Variants in XKR4 observed in about 807,000 individuals in gnomAD.
The protein encoded by XKR4 is XK-related protein 4.
In XKR4, 12 loss-of-function variants were observed where a neutral mutation model predicts 53.9. That is an observed-to-expected ratio of 0.22 (90% CI 0.14 to 0.36). XKR4 has a LOEUF of 0.36. Among genes scored for constraint, XKR4 ranks in the 10% least tolerant of loss-of-function variants. The pLI, the probability that XKR4 is intolerant of heterozygous loss-of-function variation, is 1.00. For synonymous variants in XKR4, 354 were observed against 362.4 expected (o/e 0.98, Z 0.26); for missense variants, 799 against 859.5 (o/e 0.93, Z 0.88).
intron 1 of XKR4, among the ~76,000 whole-genome samples, chr8:55,191,245 G>A (rs971405777): frequency 6.6e-6 from 1 of 152,088 alleles, no homozygotes; most frequent in Non-Finnish European, 1.5e-5. Flanking sequence ...TTTGCCACCT[G>A]CTTGGACTGC....
chr8:55,443,530 TAAAAAAAA>T lies in XKR4; in HGVS notation c.1007-79732_1007-79725del, dbSNP rs751152509. The stretch of plus-strand genomic sequence containing the variant: ...TTTGTAGATTTATAATCAGTTACAT[TAAAAAAAA>T]AAAAAAAAAAAAAAAAAACAGAAGG... On this transcript the variant is annotated intron_variant, in intron 2 of 2. Coordinates refer to ENST00000327381, the MANE Select transcript of XKR4 (RefSeq NM_052898.2). 2.7e-3 allele frequency among the ~76,000 whole-genome samples: 198 copies of T among 73,992 alleles called. 3 individuals are homozygous for T. The highest frequency in any genetic ancestry group is 5.7e-3 in the East Asian group (13 of 2,298). 48.5% of individuals were successfully genotyped at this position (73,992 alleles called of 152,430 possible).
rs1404384848 is a variant in XKR4 at position 55,135,901 on chromosome 8, T to TG, written c.806+32607_806+32608insG. ...TTCAACATGCTCACTTTTTTTTTTT[T>TG]TTTGTTTTTTTGAGACAGAGTCTCG... On this transcript the variant is annotated intron_variant, in intron 1 of 2. Transcript: ENST00000327381. Among the ~76,000 whole-genome samples, 128 of 116,504 alleles carry TG rather than the reference T, an allele frequency of 1.1e-3. 1 individual carries two copies. In the East Asian group the frequency reaches 0.026, roughly 23 times the overall value. 76.4% of individuals were successfully genotyped at this position (116,504 alleles called of 152,430 possible). A position where few individuals can be genotyped will look rare whatever the true frequency, so the allele number is the denominator to read the frequency against.
At chr8:55,353,219 C>T (rs1803750567) in intron 1 of XKR4, among the ~76,000 whole-genome samples, 1 of 152,088 alleles carries the variant, frequency 6.6e-6, no homozygotes, top group African/African-American at 2.4e-5. Flanking sequence ...TAACCTCATA[C>T]CTGTGAATGT....
chr8:55,376,238 T>G (rs1406882052), intron 2 of XKR4, among the ~76,000 whole-genome samples: 1 of 152,226 alleles, frequency 6.6e-6, no homozygotes, highest in Non-Finnish European at 1.5e-5. Flanking sequence ...CCTTTGGGTA[T>G]ATACCTAGTA....
intron 2 of XKR4, among the ~76,000 whole-genome samples, chr8:55,412,992 G>A (rs1205865642): frequency 2.0e-5 from 3 of 152,218 alleles, no homozygotes; most frequent in African/African-American, 7.2e-5. Flanking sequence ...AGATAACAAT[G>A]TCATTGACAG....
chr8:55,488,287 G>GA (rs1283354346), intron 2 of XKR4, among the ~76,000 whole-genome samples: 1 of 152,118 alleles, frequency 6.6e-6, no homozygotes, highest in African/African-American at 2.4e-5. Context: ...AGCCACTTTG[G>GA]AAAAACTAAA....
chr8:55,363,200 G>A (rs1440232670), intron 2 of XKR4, among the ~76,000 whole-genome samples: 1 of 152,086 alleles, frequency 6.6e-6, no homozygotes, highest in East Asian at 1.9e-4. Context: ...ATTTAGCTGG[G>A]GTGTGCTGAG....
In XKR4 at chr8:55,102,436, C is replaced by G. The variant is rs1288375837; in HGVS notation, c.-53C>G. On this transcript the variant is annotated 5_prime_UTR_variant, in exon 1 of 3. Coordinates refer to ENST00000327381, the MANE Select transcript of XKR4 (RefSeq NM_052898.2). This position sits in a 1 kb window ranked among gnomAD's most constrained non-coding sequence, Gnocchi z 5.1. ...GCGAGGAGGTGGCGGGAGGAGGAGA[C>G]AGCGGGGAAAGGTGTCAGATAAAGG... The G allele has an allele frequency of 1.3e-6, 2 of 1,502,358 alleles. No homozygotes were observed. Among genetic ancestry groups the G allele is most frequent in the East Asian group, 5.5e-5 (2 of 36,114 alleles). The allele number at this position is 1,502,358 out of a possible 1,614,324, so 93.1% of individuals were successfully genotyped here.
chr8:55,161,083 C>A (rs1445196587), intron 1 of XKR4, among the ~76,000 whole-genome samples: 1 of 152,130 alleles, frequency 6.6e-6, no homozygotes, highest in Non-Finnish European at 1.5e-5. Flanking sequence ...TGGTGGTTAT[C>A]TCTTCCATTG....
intron 2 of XKR4, among the ~76,000 whole-genome samples, chr8:55,472,084 T>C (rs1237308589): frequency 6.6e-6 from 1 of 152,146 alleles, no homozygotes; most frequent in African/African-American, 2.4e-5. Context: ...GAAATGATAA[T>C]GAATTTGAGT....
At chr8:55,294,930 C>A (rs1819081509) in intron 1 of XKR4, among the ~76,000 whole-genome samples, 1 of 152,016 alleles carries the variant, frequency 6.6e-6, no homozygotes, top group African/African-American at 2.4e-5. Context: ...ATCCAGTGTC[C>A]CTTTGCACAT....
chr8:55,165,012 C>T lies in XKR4; in HGVS notation c.806+61718C>T, dbSNP rs117908939. Among the ~76,000 whole-genome samples, 31 of 152,252 alleles carry T rather than the reference C, an allele frequency of 2.0e-4. No homozygotes were observed. The East Asian group carries it at 5.0e-3, about 25-fold the overall frequency. On this transcript the variant is annotated intron_variant, in intron 1 of 2. Transcript: ENST00000327381. ...ATTTCTTATCAAAAGGCGAAATCTA[C>T]AAAATTATGGCCCAGTGGCAGAAAG...
intron 2 of XKR4, among the ~76,000 whole-genome samples, chr8:55,499,174 AG>A (rs1806400462): frequency 6.6e-6 from 1 of 152,256 alleles, no homozygotes; most frequent in Admixed American, 6.5e-5. Flanking sequence ...TAGGCACCAA[AG>A]TTAAACATTA....
rs529695582 is a variant in XKR4, at chr8:55,537,197, A to C, written c.*12970A>C. 6.0e-4 allele frequency: 92 copies of C among 152,360 alleles called. No homozygotes were observed. The highest frequency in any genetic ancestry group is 2.1e-3 in the African/African-American group (89 of 41,592). 9.4% of individuals were successfully genotyped at this position (152,360 alleles called of 1,614,324 possible). ...GGTTACCACAAACATGGGAATATTTAGTGATATCTTTGTAGTCATCGTTAA... is the reference window on the plus strand; with the variant it reads ...GGTTACCACAAACATGGGAATATTTCGTGATATCTTTGTAGTCATCGTTAA... On this transcript the variant is annotated 3_prime_UTR_variant, in exon 3 of 3. Transcript: ENST00000327381.
At chr8:55,260,746 A>G (rs1040266041) in intron 1 of XKR4, among the ~76,000 whole-genome samples, 4 of 152,048 alleles carry the variant, frequency 2.6e-5, no homozygotes, top group African/African-American at 4.8e-5. Context: ...TGGCCACCCC[A>G]CCCTAATTTT....
At chr8:55,478,016 C>G (rs559165280) in intron 2 of XKR4, among the ~76,000 whole-genome samples, 17 of 152,202 alleles carry the variant, frequency 1.1e-4, no homozygotes, top group Non-Finnish European at 2.9e-5. Context: ...CCCAATCTAG[C>G]AAGGCAGGTC....
chr8:55,282,974 T>C (rs992678706), intron 1 of XKR4, among the ~76,000 whole-genome samples: 32 of 152,184 alleles, frequency 2.1e-4, no homozygotes, highest in East Asian at 3.9e-4. Context: ...CTTTCTTATA[T>C]TGAGACATAT....
intron 1 of XKR4, among the ~76,000 whole-genome samples, chr8:55,306,875 G>A (rs981375673): frequency 4.6e-5 from 7 of 151,590 alleles, no homozygotes; most frequent in African/African-American, 1.7e-4. Flanking sequence ...ATTTCCATAT[G>A]CAAAATCCAA....
At chr8:55,495,642 C>T (rs749500009) in intron 2 of XKR4, among the ~76,000 whole-genome samples, 13 of 152,192 alleles carry the variant, frequency 8.5e-5, no homozygotes, top group Admixed American at 1.3e-4. Context: ...CCCACAGTGG[C>T]GGTGGATGAT....
Sources: gnomAD v4.1 joint callset for allele counts (sites outside exome capture counted in the v4.1 genomes callset) on GRCh38, gnomAD v4.1.1 for gene constraint, Gnocchi (gnomAD v3.1) non-coding constraint, MANE v1.5 for transcripts, NCBI Gene and HGNC (gene_info 2026-07-23, HGNC 2026-07-21) for gene names.